HPSE2: variants seen among roughly 807,000 people sequenced by gnomAD.
HPSE2 encodes heparanase 2 (inactive).
Under a neutral mutation model 60.5 loss-of-function variants are expected in HPSE2, and 38 were observed. The observed-to-expected ratio is 0.63, with a 90% confidence interval of 0.48 to 0.82. The LOEUF is 0.82. Among genes scored for constraint, HPSE2 ranks in the 40% least tolerant of loss-of-function variants. HPSE2 has a pLI of 0.00. For missense variants in HPSE2, 713 were observed against 740.4 expected (o/e 0.96, Z 0.43); for synonymous variants, 295 against 293.2 (o/e 1.01, Z -0.06).
the HPSE2 span, among the ~76,000 whole-genome samples, chr10:99,309,926 CA>C: frequency 7.9e-5 from 12 of 152,206 alleles, no homozygotes; most frequent in Non-Finnish European, 1.6e-4. Context: ...TGGCTTAAAA[CA>C]ACACAATTTA....
chr10:99,201,120 G>C lies in HPSE2; in HGVS notation c.448+31228C>G, dbSNP rs1848562910. Among the ~76,000 whole-genome samples the C allele has an allele frequency of 2.0e-5, 3 of 150,834 alleles. No homozygotes were observed. In the Admixed American group the frequency reaches 2.0e-4, roughly 10 times the overall value. ...TCATGCCCATGTTATTAACTCCTCA[G>C]TTTATAAGCATTATTTGATCCCAGT... is the stretch of plus-strand genomic sequence containing the variant. On this transcript the variant is annotated intron_variant, in intron 2 of 11. Transcript: ENST00000370552.
the HPSE2 span, among the ~76,000 whole-genome samples, chr10:99,265,362 C>T: frequency 6.6e-6 from 1 of 152,186 alleles, no homozygotes; most frequent in African/African-American, 2.4e-5. Context: ...TTGGTGGTCT[C>T]TTCACGTGGA....
At chr10:98,850,843 T>A (rs532162189) in intron 3 of HPSE2, among the ~76,000 whole-genome samples, 1 of 151,998 alleles carries the variant, frequency 6.6e-6, no homozygotes, top group East Asian at 1.9e-4. Context: ...TGCAATTTTA[T>A]AAATGAGAAA....
At chr10:98,827,194 T>C (rs762298907) in intron 3 of HPSE2, among the ~76,000 whole-genome samples, 2 of 151,804 alleles carry the variant, frequency 1.3e-5, no homozygotes, top group Non-Finnish European at 2.9e-5. Flanking sequence ...AAATAATTAT[T>C]GTGGTTTTTT....
At chr10:98,728,797 TAGGTGTTCAAG>T (rs1205418600) in intron 4 of HPSE2, among the ~76,000 whole-genome samples, 1 of 152,028 alleles carries the variant, frequency 6.6e-6, no homozygotes, top group African/African-American at 2.4e-5. Context: ...TGCTTGAGCC[TAGGTGTTCAAG>T]ACCATCCTAG....
At chr10:99,163,940 T>G (rs1001225561) in intron 2 of HPSE2, among the ~76,000 whole-genome samples, 1 of 152,074 alleles carries the variant, frequency 6.6e-6, no homozygotes, top group Non-Finnish European at 1.5e-5. Flanking sequence ...TTAATAAACT[T>G]GTTCCCTTGG....
At chr10:98,534,735 T>C (rs1943230659) in intron 9 of HPSE2, among the ~76,000 whole-genome samples, 1 of 152,256 alleles carries the variant, frequency 6.6e-6, no homozygotes, top group South Asian at 2.1e-4. Flanking sequence ...AAATAACTTT[T>C]GTCTATTTTG....
At chr10:98,607,498 G>A (rs1945627375) in intron 9 of HPSE2, among the ~76,000 whole-genome samples, 1 of 152,152 alleles carries the variant, frequency 6.6e-6, no homozygotes, top group Non-Finnish European at 1.5e-5. Context: ...CCAAATGAAG[G>A]TGCTGGGGCT....
chr10:99,170,786 G>T (rs2796756), intron 2 of HPSE2, among the ~76,000 whole-genome samples: 26,579 of 152,184 alleles, frequency 0.17, 2,808 homozygotes, highest in Admixed American at 0.25. Flanking sequence ...TAAAAGGACT[G>T]AGTACAGTCC....
intron 3 of HPSE2, among the ~76,000 whole-genome samples, chr10:99,113,920 C>T (rs911095089): frequency 6.6e-6 from 1 of 152,072 alleles, no homozygotes; most frequent in African/African-American, 2.4e-5. Context: ...AAAGACAAAC[C>T]ATTAGCTTTG....
intron 4 of HPSE2, among the ~76,000 whole-genome samples, chr10:98,730,140 C>A (rs867004334): frequency 9.2e-5 from 14 of 152,130 alleles, no homozygotes; most frequent in African/African-American, 3.4e-4. Flanking sequence ...TAAAATCATA[C>A]AATGGATGTG....
At chr10:98,681,550 A>G (rs957013772) in intron 6 of HPSE2, among the ~76,000 whole-genome samples, 1 of 152,186 alleles carries the variant, frequency 6.6e-6, no homozygotes, top group Admixed American at 6.5e-5. Context: ...CCACATTGTA[A>G]CTAACTTTTA....
intron 3 of HPSE2, among the ~76,000 whole-genome samples, chr10:98,982,760 T>G (rs1342962097): frequency 3.3e-5 from 5 of 152,170 alleles, no homozygotes; most frequent in Non-Finnish European, 5.9e-5. Flanking sequence ...ATCTATTTCA[T>G]TTTAATCCAA....
chr10:98,550,187 T>C (rs528427044), intron 9 of HPSE2, among the ~76,000 whole-genome samples: 94 of 152,242 alleles, frequency 6.2e-4, no homozygotes, highest in Non-Finnish European at 8.5e-4. Context: ...CAGCCTGTGT[T>C]ACCTCTATTA....
intron 6 of HPSE2, among the ~76,000 whole-genome samples, chr10:98,667,962 T>C (rs527338289): frequency 1.3e-5 from 2 of 152,226 alleles, no homozygotes; most frequent in South Asian, 2.1e-4. Flanking sequence ...ATAAAAGGCA[T>C]CCAAATAAGA....
chr10:98,514,240 T>C (rs934581535), intron 9 of HPSE2, among the ~76,000 whole-genome samples: 1 of 151,876 alleles, frequency 6.6e-6, no homozygotes, highest in Non-Finnish European at 1.5e-5. Flanking sequence ...TCACAAAAAG[T>C]AGAATAAGGT....
the HPSE2 span, among the ~76,000 whole-genome samples, chr10:99,293,045 G>C: frequency 1.3e-5 from 2 of 152,008 alleles, no homozygotes; most frequent in Non-Finnish European, 2.9e-5. Context: ...CTAAAGCAGG[G>C]GGCCAAAAGT....
intron 9 of HPSE2, among the ~76,000 whole-genome samples, chr10:98,563,674 A>G (rs966961000): frequency 2.6e-5 from 4 of 152,328 alleles, no homozygotes; most frequent in Non-Finnish European, 5.9e-5. Context: ...TTTACTACTC[A>G]GAGATAACCA....
intron 9 of HPSE2, among the ~76,000 whole-genome samples, chr10:98,502,824 A>G (rs61245262): frequency 1.3e-5 from 2 of 152,236 alleles, no homozygotes; most frequent in East Asian, 3.8e-4. Flanking sequence ...CAAATCAGTA[A>G]GAAAAAAACA....
Sources: allele counts gnomAD v4.1 joint callset (sites outside exome capture counted in the v4.1 genomes callset), GRCh38; gene constraint gnomAD v4.1.1; transcripts MANE v1.5; gene names NCBI Gene and HGNC (gene_info 2026-07-23, HGNC 2026-07-21).